Variants in KLHL32 observed in about 807,000 individuals in gnomAD.
The protein encoded by KLHL32 is kelch like family member 32, also known as kelch-like protein 32.
KLHL32 carries 35 observed loss-of-function variants against 64.8 expected under a neutral mutation model. The ratio of observed to expected loss-of-function variants is 0.54; its 90% CI spans 0.41 to 0.72. KLHL32 has a LOEUF of 0.72. Among genes scored for constraint, KLHL32 ranks in the 30% least tolerant of loss-of-function variants. KLHL32 has a pLI of 0.00. For missense variants in KLHL32, 589 were observed against 768.5 expected (o/e 0.77, Z 2.76); for synonymous variants, 259 against 281.0 (o/e 0.92, Z 0.78).
chr6:96,948,465 T>G (rs889748738), intron 1 of KLHL32, among the ~76,000 whole-genome samples: 2 of 152,128 alleles, frequency 1.3e-5, no homozygotes, highest in African/African-American at 2.4e-5. Context: ...AATTTTGTGA[T>G]GTAGGTGTGT....
chr6:97,094,939 G>A lies in KLHL32; in HGVS notation c.627+9598G>A, dbSNP rs143020993. Among the ~76,000 whole-genome samples, 20 of 152,250 alleles carry A rather than the reference G, an allele frequency of 1.3e-4. No homozygotes were observed. The East Asian group carries it at 1.7e-3, about 13-fold the overall frequency. ...TAATTAAAGGAGTGATGGATGGTGC[G>A]TTAAAGTTTAAACGTTTTAGGAGGA... On this transcript the variant is annotated intron_variant, in intron 6 of 10. Coordinates refer to ENST00000369261, the MANE Select transcript of KLHL32 (RefSeq NM_052904.4).
At chr6:96,948,035 A>C (rs1251188844) in intron 1 of KLHL32, among the ~76,000 whole-genome samples, 1 of 152,164 alleles carries the variant, frequency 6.6e-6, no homozygotes, top group Non-Finnish European at 1.5e-5. Context: ...CTGGAATCCA[A>C]GGCTAGATTT....
intron 1 of KLHL32, among the ~76,000 whole-genome samples, chr6:96,965,211 C>T (rs1051643639): frequency 1.3e-5 from 2 of 152,176 alleles, no homozygotes; most frequent in Non-Finnish European, 2.9e-5. Context: ...CATAGTATTC[C>T]ATGGTATATA....
chr6:97,068,638 G>C (rs537807261), intron 5 of KLHL32, among the ~76,000 whole-genome samples: 1 of 152,276 alleles, frequency 6.6e-6, no homozygotes, highest in South Asian at 2.1e-4. Context: ...GGCTGCTGTG[G>C]TCATTTATCA....
chr6:96,977,093 A>G (rs1345415513), intron 3 of KLHL32, among the ~76,000 whole-genome samples: 2 of 152,208 alleles, frequency 1.3e-5, no homozygotes, highest in Non-Finnish European at 2.9e-5. Context: ...AAAGTACATA[A>G]TATAGTGATA....
At position 97,021,085 on chromosome 6, in the gene KLHL32, T is replaced by C. The variant is rs372026250; in HGVS notation, c.205-20407T>C. Among the ~76,000 whole-genome samples, 327 of 150,740 alleles carry C rather than the reference T, an allele frequency of 2.2e-3. 3 individuals carry two copies. The highest frequency in any genetic ancestry group is 3.8e-3 in the Non-Finnish European group (257 of 67,976). ...AGAAAAAAAGATTTATTATAAGGAG[T>C]TGGCTCATACGATTATGGAGGCTGA... On this transcript the variant is annotated intron_variant, in intron 3 of 10. Coordinates refer to ENST00000369261, the MANE Select transcript of KLHL32 (RefSeq NM_052904.4).
chr6:97,015,664 A>G (rs868308395), intron 3 of KLHL32, among the ~76,000 whole-genome samples: 1 of 152,160 alleles, frequency 6.6e-6, no homozygotes, highest in Non-Finnish European at 1.5e-5. Context: ...AGGAAAACCC[A>G]TTTTCTGGGG....
intron 3 of KLHL32, among the ~76,000 whole-genome samples, chr6:97,011,181 A>T (rs939164805): frequency 2.0e-5 from 3 of 152,336 alleles, no homozygotes; most frequent in Non-Finnish European, 4.4e-5. Flanking sequence ...GTTCACGTTA[A>T]ATTCTACTAG....
chr6:97,014,269 T>C (rs530897256), intron 3 of KLHL32, among the ~76,000 whole-genome samples: 5 of 149,980 alleles, frequency 3.3e-5, no homozygotes, highest in African/African-American at 1.2e-4. Flanking sequence ...CACTCCAACC[T>C]GGGTGACAGA....
intron 3 of KLHL32, chr6:97,025,122 A>C (rs1582754514): frequency 1.0e-6 from 1 of 985,100 alleles, no homozygotes. Flanking sequence ...AGAGGAGAAG[A>C]CATCTGATCC....
intron 6 of KLHL32, among the ~76,000 whole-genome samples, chr6:97,088,459 C>G (rs1435868197): frequency 6.6e-6 from 1 of 152,134 alleles, no homozygotes; most frequent in Non-Finnish European, 1.5e-5. Context: ...CAGTAGGGCC[C>G]TGTTAAATAT....
At chr6:97,092,411 A>G (rs1224642843) in intron 6 of KLHL32, among the ~76,000 whole-genome samples, 1 of 152,192 alleles carries the variant, frequency 6.6e-6, no homozygotes, top group East Asian at 1.9e-4. Context: ...AAATTCGTAC[A>G]TGTGGTCCCA....
At chr6:97,046,566 G>C (rs1374555384) in intron 4 of KLHL32, among the ~76,000 whole-genome samples, 2 of 152,132 alleles carry the variant, frequency 1.3e-5, no homozygotes, top group Non-Finnish European at 2.9e-5. Flanking sequence ...TTGCCACAGA[G>C]TAGAAGTTGA....
chr6:97,079,478 T>C (rs1231101841), intron 5 of KLHL32, among the ~76,000 whole-genome samples: 1 of 152,178 alleles, frequency 6.6e-6, no homozygotes, highest in Non-Finnish European at 1.5e-5. Context: ...TATTTGCCTT[T>C]CCCATATTTT....
intron 6 of KLHL32, among the ~76,000 whole-genome samples, chr6:97,104,011 C>T (rs1796087165): frequency 6.6e-6 from 1 of 152,154 alleles, no homozygotes. Flanking sequence ...CCAATGTCAG[C>T]CATATACTCA....
intron 6 of KLHL32, among the ~76,000 whole-genome samples, chr6:97,093,330 T>G (rs1794528785): frequency 6.6e-6 from 1 of 152,226 alleles, no homozygotes; most frequent in South Asian, 2.1e-4. Flanking sequence ...ATAATTTCTC[T>G]TGAGTCTCTC....
intron 3 of KLHL32, among the ~76,000 whole-genome samples, chr6:97,008,195 G>C (rs1481442832): frequency 6.6e-6 from 1 of 152,170 alleles, no homozygotes; most frequent in East Asian, 1.9e-4. Context: ...GGAGGTTGTG[G>C]TGGGGGAAGA....
At chr6:96,958,248 ACC>A (rs1334038481) in intron 1 of KLHL32, among the ~76,000 whole-genome samples, 13 of 152,140 alleles carry the variant, frequency 8.5e-5, no homozygotes, top group Non-Finnish European at 1.6e-4. Flanking sequence ...TAGACCCCCC[ACC>A]CCAACAAGTA....
chr6:96,919,294 A>C, the KLHL32 span, among the ~76,000 whole-genome samples: 1 of 152,192 alleles, frequency 6.6e-6, no homozygotes, highest in Non-Finnish European at 1.5e-5. Flanking sequence ...CAGAAGCAAA[A>C]ACCTGTAACT....
Sources: gnomAD v4.1 joint callset for allele counts (sites outside exome capture counted in the v4.1 genomes callset) on GRCh38, gnomAD v4.1.1 for gene constraint, MANE v1.5 for transcripts, NCBI Gene and HGNC (gene_info 2026-07-23, HGNC 2026-07-21) for gene names.